CD163L1: variants seen among roughly 807,000 people sequenced by gnomAD.
The protein encoded by CD163L1 is CD163 molecule like 1.
Under a neutral mutation model 165.4 loss-of-function variants are expected in CD163L1, and 124 were observed. The ratio of observed to expected loss-of-function variants is 0.75; its 90% CI spans 0.65 to 0.87. CD163L1 has a LOEUF of 0.87. CD163L1 is among the 40% of genes least tolerant of loss of function. The pLI is 0.00. For missense variants in CD163L1, 1,525 were observed against 1,799.9 expected (o/e 0.85, Z 2.76); for synonymous variants, 585 against 662.2 (o/e 0.88, Z 1.79).
intron 8 of CD163L1, among the ~76,000 whole-genome samples, chr12:7,382,823 G>C (rs1273613139): frequency 1.3e-5 from 2 of 152,284 alleles, no homozygotes; most frequent in African/African-American, 2.4e-5. Flanking sequence ...TACATGTCTA[G>C]AGCCCCACTG....
chr12:7,360,950 T>G (rs1313812432), intron 18 of CD163L1, among the ~76,000 whole-genome samples: 1 of 137,410 alleles, frequency 7.3e-6, no homozygotes, highest in African/African-American at 2.5e-5. Context: ...AGTGGGTTTT[T>G]GGTTTTGGTT....
intron 18 of CD163L1, among the ~76,000 whole-genome samples, chr12:7,362,449 T>C (rs1946918816): frequency 7.2e-6 from 1 of 138,550 alleles, no homozygotes. Context: ...TAATTATGTG[T>C]TATTACATTA....
intron 18 of CD163L1, among the ~76,000 whole-genome samples, chr12:7,360,723 G>C (rs912406223): frequency 6.6e-6 from 1 of 152,080 alleles, no homozygotes; most frequent in African/African-American, 2.4e-5. Context: ...ATAGAATATG[G>C]CTATAATAGC....
At chr12:7,377,104 T>G (rs11053534) in intron 9 of CD163L1, among the ~76,000 whole-genome samples, 1 of 152,138 alleles carries the variant, frequency 6.6e-6, no homozygotes, top group East Asian at 1.9e-4. Flanking sequence ...TTCAGCTGCA[T>G]TGGATTCCTT....
intron 4 of CD163L1, among the ~76,000 whole-genome samples, chr12:7,408,785 T>G (rs1278366738): frequency 6.6e-6 from 1 of 152,218 alleles, no homozygotes; most frequent in African/African-American, 2.4e-5. Context: ...TTTGTTATTT[T>G]GAGCTGAGAT....
At chr12:7,404,981 A>T (rs946174961) in intron 5 of CD163L1, among the ~76,000 whole-genome samples, 2 of 152,142 alleles carry the variant, frequency 1.3e-5, no homozygotes, top group Non-Finnish European at 2.9e-5. Context: ...TGGGAAAAAA[A>T]AATCCTCTGA....
In CD163L1 at chr12:7,369,598, G is replaced by A. The variant is rs886229092; in HGVS notation, c.3798C>T (p.Ser1266=). ...SGRVEIWHAG[S]WGTVCDDSWD... ...AGGAGTCATCACACACTGTGCCCCA[G>A]GAGCCTGCGTGCCAGATCTCCACTC... The change falls in exon 15 of 20, where the codon TCC becomes TCT. Residue 1266 remains serine (S), a synonymous_variant. Transcript: ENST00000313599. This position sits in a 1 kb window ranked among gnomAD's most constrained non-coding sequence, Gnocchi z 4.9. The A allele has an allele frequency of 4.3e-6, 7 of 1,613,810 alleles. No homozygotes were observed. In the African/African-American group the frequency reaches 9.4e-5, roughly 22 times the overall value.
chr12:7,426,907 T>C (rs1360744839), intron 4 of CD163L1, among the ~76,000 whole-genome samples: 2 of 152,140 alleles, frequency 1.3e-5, no homozygotes, highest in Admixed American at 6.6e-5. Context: ...AGAGCACCTG[T>C]GCTTATATCT....
intron 4 of CD163L1, among the ~76,000 whole-genome samples, chr12:7,409,850 T>TCA (rs1948098935): frequency 6.6e-6 from 1 of 152,162 alleles, no homozygotes; most frequent in Non-Finnish European, 1.5e-5. Context: ...TTATAATTTT[T>TCA]CATGAATTGT....
chr12:7,335,724 C>G, the CD163L1 span, among the ~76,000 whole-genome samples: 9 of 152,138 alleles, frequency 5.9e-5, no homozygotes, highest in Non-Finnish European at 1.3e-4. Context: ...AACAGGCAAC[C>G]TATAGAATGG....
chr12:7,418,509 T>G (rs1048386065), intron 4 of CD163L1, among the ~76,000 whole-genome samples: 3 of 151,528 alleles, frequency 2.0e-5, no homozygotes, highest in Non-Finnish European at 4.4e-5. Flanking sequence ...ACCCAAATCC[T>G]GCAGAAGAAA....
rs377471899 is a variant in CD163L1 at position 7,377,334 on chromosome 12, A to AT, written c.2372-1321dup. 3.7e-4 allele frequency among the ~76,000 whole-genome samples: 56 copies of AT among 151,962 alleles called. 1 individual carries two copies. The highest frequency in any genetic ancestry group is 1.1e-3 in the African/African-American group (45 of 41,440). On this transcript the variant is annotated intron_variant, in intron 9 of 19. Transcript: ENST00000313599. ...ACTCTGGATTCTATTTTCTAGTTCT[A>AT]TTTTTTCCTATAGCCTCTAACATCA...
At chr12:7,421,367 GTATA>G (rs1173330334) in intron 4 of CD163L1, among the ~76,000 whole-genome samples, 3 of 96,916 alleles carry the variant, frequency 3.1e-5, no homozygotes, top group African/African-American at 1.3e-4. Context: ...GTGTATATAT[GTATA>G]TATACATTTG....
intron 4 of CD163L1, among the ~76,000 whole-genome samples, chr12:7,348,561 G>A (rs1339984133): frequency 6.6e-6 from 1 of 152,022 alleles, no homozygotes; most frequent in African/African-American, 2.4e-5. Flanking sequence ...TTGAATCCAG[G>A]CTCTTCATTT....
At chr12:7,417,192 T>C (rs758327972) in intron 4 of CD163L1, among the ~76,000 whole-genome samples, 1 of 152,084 alleles carries the variant, frequency 6.6e-6, no homozygotes, top group Non-Finnish European at 1.5e-5. Context: ...TGAATGGGAG[T>C]TCACTCATGA....
chr12:7,408,283 G>C (rs760691908), intron 4 of CD163L1, among the ~76,000 whole-genome samples: 10 of 151,966 alleles, frequency 6.6e-5, no homozygotes, highest in Non-Finnish European at 1.5e-4. Flanking sequence ...TGTGTGTACA[G>C]TTCTTTGAGT....
chr12:7,335,217 C>T, the CD163L1 span, among the ~76,000 whole-genome samples: 1 of 152,212 alleles, frequency 6.6e-6, no homozygotes, highest in South Asian at 2.1e-4. Context: ...AAGCTGGAGG[C>T]ATCACACTAC....
chr12:7,352,271 TTCATGAA>T (rs1946711043), downstream of CD163L1, among the ~76,000 whole-genome samples: 5 of 152,244 alleles, frequency 3.3e-5, no homozygotes, highest in African/African-American at 1.2e-4. Context: ...GAACTATTTA[TTCATGAA>T]AAATGACCCA....
At chr12:7,320,894 G>T in the CD163L1 span, 1 of 1,157,388 alleles carries the variant, frequency 8.6e-7, no homozygotes, top group Non-Finnish European at 1.3e-6. Flanking sequence ...GATAGCTCAG[G>T]CTTTCTCAGT....
Sources: allele counts gnomAD v4.1 joint callset (sites outside exome capture counted in the v4.1 genomes callset), GRCh38; gene constraint gnomAD v4.1.1; non-coding constraint Gnocchi (gnomAD v3.1); transcripts MANE v1.5; gene names NCBI Gene and HGNC (gene_info 2026-07-23, HGNC 2026-07-21).